Variants in PCDHGB1 observed in about 807,000 individuals in gnomAD.
The protein encoded by PCDHGB1 is protocadherin gamma subfamily B, 1, also known as protocadherin gamma-B1.
A neutral mutation model predicts 56.6 loss-of-function variants in PCDHGB1; 34 were observed. The ratio of observed to expected loss-of-function variants is 0.60; its 90% CI spans 0.46 to 0.80. PCDHGB1 has a LOEUF of 0.80. Ranked by LOEUF, PCDHGB1 falls within the 30% of genes least tolerant of loss-of-function variation. The pLI, the probability that PCDHGB1 is intolerant of heterozygous loss-of-function variation, is 0.00. For missense variants in PCDHGB1, 1,278 were observed against 1,204.6 expected, an observed-to-expected ratio of 1.06 and a Z score of -0.90; for synonymous variants, 561 against 505.9, an observed-to-expected ratio of 1.11 and a Z score of -1.46.
intron 1 of PCDHGB1, chr5:141,371,345 T>C (rs1417902000): frequency 1.2e-6 from 2 of 1,613,878 alleles, no homozygotes; most frequent in Admixed American, 1.7e-5. Flanking sequence ...GCTACACAAT[T>C]GGGGTGGAAG....
intron 1 of PCDHGB1, chr5:141,428,275 G>A (rs566455986): frequency 6.5e-6 from 5 of 767,218 alleles, no homozygotes; most frequent in African/African-American, 3.4e-5. Context: ...TGTGCCCTCT[G>A]ATTCCCAAGC....
chr5:141,461,773 C>T (rs894271810), intron 1 of PCDHGB1, among the ~76,000 whole-genome samples: 3 of 152,108 alleles, frequency 2.0e-5, no homozygotes, highest in Non-Finnish European at 4.4e-5. Context: ...CCTGCCTCAG[C>T]CTCCCAAGTA....
chr5:141,353,795 T>C (rs1759386417), intron 1 of PCDHGB1, among the ~76,000 whole-genome samples: 1 of 152,218 alleles, frequency 6.6e-6, no homozygotes. Flanking sequence ...TTTCCAAACA[T>C]CTTATTTCAC....
At chr5:141,374,338 C>T in intron 1 of PCDHGB1, 1 of 1,613,994 alleles carries the variant, frequency 6.2e-7, no homozygotes, top group Non-Finnish European at 8.5e-7. Context: ...GCAGCTTGGT[C>T]ACCGCGGGTA....
chr5:141,378,005 T>G (rs1425146532), intron 1 of PCDHGB1: 7 of 152,232 alleles, frequency 4.6e-5, no homozygotes, highest in Admixed American at 4.6e-4. Flanking sequence ...TTGGCTCAAA[T>G]AAGCTCTACT....
intron 1 of PCDHGB1, chr5:141,422,014 C>T (rs1472942387): frequency 1.9e-6 from 3 of 1,610,040 alleles, no homozygotes; most frequent in African/African-American, 1.3e-5. Flanking sequence ...AACTCGGGTG[C>T]TGATGGTTAA....
At chr5:141,367,043 A>G (rs939220707) in intron 1 of PCDHGB1, 4 of 343,424 alleles carry the variant, frequency 1.2e-5, no homozygotes, top group African/African-American at 8.6e-5. Flanking sequence ...AGTTCTATTA[A>G]TAGAAAAGAT....
rs2099884522 is a variant in PCDHGB1, at chr5:141,512,941, T to C, written c.*1768T>C. On this transcript the variant is annotated 3_prime_UTR_variant, in exon 4 of 4. Transcript: ENST00000523390. ...CTAATATTTATATGGCTTTTTTTCT[T>C]CGACAAAAAAATAATAAAACGTTTC... The C allele has an allele frequency of 6.6e-6, 1 of 151,892 alleles. No individual in the cohort carries two copies. The highest frequency in any genetic ancestry group is 6.6e-5 in the Admixed American group (1 of 15,236). The allele number at this position is 151,892 out of a possible 1,614,324, so 9.4% of individuals were successfully genotyped here.
At chr5:141,365,565 G>C (rs140294664) in intron 1 of PCDHGB1, 1 of 1,613,720 alleles carries the variant, frequency 6.2e-7, no homozygotes, top group Non-Finnish European at 8.5e-7. Flanking sequence ...GACCTGGACA[G>C]AGAAGAGACT....
intron 1 of PCDHGB1, among the ~76,000 whole-genome samples, chr5:141,381,934 A>C (rs1777775116): frequency 7.0e-6 from 1 of 143,002 alleles, no homozygotes; most frequent in Non-Finnish European, 1.5e-5. Flanking sequence ...GGTTCAAGCG[A>C]TTTTCCTGCC....
chr5:141,401,171 G>A (rs1222326375), intron 1 of PCDHGB1, among the ~76,000 whole-genome samples: 1 of 152,054 alleles, frequency 6.6e-6, no homozygotes, highest in African/African-American at 2.4e-5. Context: ...GTGAAAACCC[G>A]TCTCTACTAA....
Position 141,410,699 on chromosome 5 carries a change from A to C in PCDHGB1, c.2409+58030A>C, listed in dbSNP as rs760193148. On this transcript the variant is annotated intron_variant, in intron 1 of 3. Transcript: ENST00000523390. ...ATTTTAGGCATACTACTTTATTTTC[A>C]TATCTAGAATCATATGTTTAAAATC... The C allele has an allele frequency of 2.0e-6, 3 of 1,478,344 alleles. No homozygotes were observed. In the South Asian group the frequency reaches 4.0e-5, roughly 20 times the overall value. The allele number at this position is 1,478,344 out of a possible 1,614,324, so 91.6% of individuals were successfully genotyped here. A position where few individuals can be genotyped will look rare whatever the true frequency, so the allele number is the denominator to read the frequency against.
At position 141,486,622 on chromosome 5, in the gene PCDHGB1, C is replaced by T. The variant is rs1320329216; in HGVS notation, c.2410-8185C>T. On this transcript the variant is annotated intron_variant, in intron 1 of 3. Coordinates refer to ENST00000523390, the MANE Select transcript of PCDHGB1 (RefSeq NM_018922.3). The surrounding 1 kb of genome is among the most constrained non-coding windows in gnomAD (Gnocchi z 5.0). ...GCTCCCTTGCAGCCTCTGACCCAGACTCTGGCTTGAATGCGCTTATCTCCT... is the reference window on the plus strand; with the variant it reads ...GCTCCCTTGCAGCCTCTGACCCAGATTCTGGCTTGAATGCGCTTATCTCCT... 6.2e-7 allele frequency: 1 copy of T among 1,613,574 alleles called. No individual in the cohort carries two copies. The highest frequency in any genetic ancestry group is 8.5e-7 in the Non-Finnish European group (1 of 1,180,042).
intron 1 of PCDHGB1, chr5:141,364,297 C>A: frequency 6.6e-7 from 1 of 1,520,028 alleles, no homozygotes; most frequent in Non-Finnish European, 8.8e-7. Context: ...CAGGCTGAAC[C>A]AGAACTAAGA....
intron 1 of PCDHGB1, among the ~76,000 whole-genome samples, chr5:141,381,834 T>TTCTTC (rs1561589417): frequency 7.1e-6 from 1 of 140,214 alleles, no homozygotes; most frequent in African/African-American, 2.7e-5. Flanking sequence ...TTCTTTTTTT[T>TTCTTC]TTTTTTTTTT....
At position 141,371,777 on chromosome 5, in the gene PCDHGB1, A is replaced by G. The variant is rs368442078; in HGVS notation, c.2409+19108A>G. On this transcript the variant is annotated intron_variant, in intron 1 of 3. Coordinates refer to ENST00000523390, the MANE Select transcript of PCDHGB1 (RefSeq NM_018922.3). ...ACCAGGCCTCCTACACCGTGCATGT[A>G]GCTGAGAACAATCCGCCTGGAGCCT... The G allele has an allele frequency of 9.9e-6, 16 of 1,613,872 alleles. No individual in the cohort carries two copies. In the African/African-American group the frequency reaches 1.7e-4, roughly 17 times the overall value.
At chr5:141,377,750 G>A (rs532331824) in intron 1 of PCDHGB1, 1 of 152,230 alleles carries the variant, frequency 6.6e-6, no homozygotes, top group South Asian at 2.1e-4. Context: ...ACTGCAGCAG[G>A]GGACACCAGA....
At chr5:141,429,796 A>C (rs2097245618) in intron 1 of PCDHGB1, among the ~76,000 whole-genome samples, 1 of 152,216 alleles carries the variant, frequency 6.6e-6, no homozygotes, top group Non-Finnish European at 1.5e-5. Flanking sequence ...ATTACCAGTA[A>C]TTCTCAGTAA....
At position 141,476,761 on chromosome 5, in the gene PCDHGB1, G is replaced by C. The variant is rs1293828206; in HGVS notation, c.2410-18046G>C. ...AGCCTAGTCTCCAGTTAGTGCTGAC[G>C]GCGTTGGACGGAGGGACCCCAGCTC... On this transcript the variant is annotated intron_variant, in intron 1 of 3. Transcript: ENST00000523390. This position sits in a 1 kb window ranked among gnomAD's most constrained non-coding sequence, Gnocchi z 7.6. 6.2e-7 allele frequency: 1 copy of C among 1,613,734 alleles called. No individual in the cohort carries two copies. Among genetic ancestry groups the C allele is most frequent in the East Asian group, 2.2e-5 (1 of 44,884 alleles).
Sources: allele counts gnomAD v4.1 joint callset (sites outside exome capture counted in the v4.1 genomes callset), GRCh38; gene constraint gnomAD v4.1.1; non-coding constraint Gnocchi (gnomAD v3.1); transcripts MANE v1.5; gene names NCBI Gene and HGNC (gene_info 2026-07-23, HGNC 2026-07-21).